ZNF250: variants seen among roughly 807,000 people sequenced by gnomAD.
ZNF250 encodes zinc finger protein (clone 647).
ZNF250 carries 13 observed loss-of-function variants against 37.1 expected under a neutral mutation model. That is an observed-to-expected ratio of 0.35 (90% CI 0.23 to 0.56). The LOEUF (loss-of-function observed/expected upper bound fraction) is 0.56, where lower values mean the gene tolerates loss of function less well. ZNF250 is among the 20% of genes least tolerant of loss of function. The pLI is 0.87. For synonymous variants in ZNF250, 251 were observed against 265.6 expected (o/e 0.94, Z 0.54); for missense variants, 474 against 697.9 (o/e 0.68, Z 3.61).
At chr8:144,888,139 T>C (rs180738714) in intron 4 of ZNF250, among the ~76,000 whole-genome samples, 82 of 152,342 alleles carry the variant, frequency 5.4e-4, no homozygotes, top group African/African-American at 1.9e-3. Context: ...AACATGAACT[T>C]CAGGGTTGGA....
chr8:144,881,759 T>A lies in ZNF250; in HGVS notation c.1424A>T (p.Gln475Leu). The A allele has an allele frequency of 2.5e-6, 4 of 1,614,096 alleles. No individual in the cohort carries two copies. In the South Asian group the frequency reaches 4.4e-5, roughly 18 times the overall value. ...GAAGGCTTTGCCACATTCTGTGCAC[T>A]GGAAGGGCTTTTCACCTGTGTGGAT... ...ERIHTGEKPF[Q>L]CTECGKAFSL... Residue 475 changes from glutamine (Q) to leucine (L), a missense_variant, in exon 6 of 6, where the codon CAG (glutamine) becomes CTG (leucine). Physicochemically the swap from Gln to Leu is moderately radical, Grantham distance 113 (BLOSUM62 -2). This residue lies in a region of ZNF250 where 282 missense variants were observed against 470.4 expected (regional missense o/e 0.60). Coordinates refer to ENST00000417550, the MANE Select transcript of ZNF250 (RefSeq NM_001109689.4).
chr8:144,884,349 T>G (rs1040496773), intron 5 of ZNF250, among the ~76,000 whole-genome samples: 5 of 152,232 alleles, frequency 3.3e-5, no homozygotes, highest in African/African-American at 1.2e-4. Context: ...CCTCCCGGGT[T>G]GAAGTGATTC....
At position 144,882,257 on chromosome 8, in the gene ZNF250, G is replaced by T; in HGVS notation, c.926C>A (p.Pro309Gln). ...ATGGTTGAAGGCTTTCCCACACAACGGACACACATATGGCCTTTCTCCCGT... is the reference window on the plus strand; with the variant it reads ...ATGGTTGAAGGCTTTCCCACACAACTGACACACATATGGCCTTTCTCCCGT... ...IHTGERPYVC[P>Q]LCGKAFNHST... The change falls in exon 6 of 6, where the codon CCG becomes CAG. Residue 309 changes from proline (P) to glutamine (Q), a missense_variant. Physicochemically the swap from Pro to Gln is moderately conservative, Grantham distance 76. Coordinates refer to ENST00000417550, the MANE Select transcript of ZNF250 (RefSeq NM_001109689.4). The surrounding 1 kb of genome is among the most constrained non-coding windows in gnomAD (Gnocchi z 5.5). The T allele has an allele frequency of 6.2e-7, 1 of 1,613,670 alleles. No individual in the cohort carries two copies. The highest frequency in any genetic ancestry group is 8.5e-7 in the Non-Finnish European group (1 of 1,179,866).
At position 144,890,034 on chromosome 8, in the gene ZNF250, G is replaced by A; in HGVS notation, c.68C>T (p.Ala23Val). 2 of 1,613,144 alleles carry A rather than the reference G, an allele frequency of 1.2e-6. No individual in the cohort carries two copies. The highest frequency in any genetic ancestry group is 8.5e-7 in the Non-Finnish European group (1 of 1,179,544). ...PQAKLTFEDV[A>V]VLLSQDEWDR... ...CCATTCATCCTGGGAGAGGAGCACAGCCACATCCTCGAAGGTCAGCTTGGC... is the reference window on the plus strand; with the variant it reads ...CCATTCATCCTGGGAGAGGAGCACAACCACATCCTCGAAGGTCAGCTTGGC... Residue 23 changes from alanine to valine, a missense_variant, in exon 3 of 6, where the codon GCT becomes GTT. Physicochemically the swap from Ala to Val is moderately conservative, Grantham distance 64. This residue lies in a region of ZNF250 where 192 missense variants were observed against 227.5 expected (regional missense o/e 0.84). Coordinates refer to ENST00000417550, the MANE Select transcript of ZNF250 (RefSeq NM_001109689.4). This position sits in a 1 kb window ranked among gnomAD's most constrained non-coding sequence, Gnocchi z 5.1.
intron 5 of ZNF250, among the ~76,000 whole-genome samples, chr8:144,884,709 ATTTT>A (rs1171123922): frequency 6.6e-6 from 1 of 150,496 alleles, no homozygotes; most frequent in Non-Finnish European, 1.5e-5. Context: ...TTTTTTTTTC[ATTTT>A]TTTTACCTCC....
At position 144,882,630 on chromosome 8, in the gene ZNF250, G is replaced by C. The variant is rs1264612008; in HGVS notation, c.553C>G (p.Gln185Glu). ...GGCCTCTCTCCACTAGGCACTGCCT[G>C]GTGCGGAGTGAGTGGCATGCTTTGG... ...LSQSMPLTPH[Q>E]AVPSGERPYM... The change falls in exon 6 of 6, where the codon CAG (glutamine) becomes GAG (glutamate). Residue 185 changes from glutamine to glutamate, a missense_variant. Physicochemically the swap from Gln to Glu is conservative, Grantham distance 29. Around this residue, in one of 2 missense-constraint regions of ZNF250, gnomAD observed 192 missense variants for 227.5 expected, o/e 0.84. Coordinates refer to ENST00000417550, the MANE Select transcript of ZNF250 (RefSeq NM_001109689.4). This position sits in a 1 kb window ranked among gnomAD's most constrained non-coding sequence, Gnocchi z 5.5. 6.2e-7 allele frequency: 1 copy of C among 1,613,828 alleles called. No individual in the cohort carries two copies. Among genetic ancestry groups the C allele is most frequent in the Non-Finnish European group, 8.5e-7 (1 of 1,179,892 alleles).
At position 144,878,827 on chromosome 8, in the gene ZNF250, T is replaced by A. The variant is rs1831276191; in HGVS notation, c.*2688A>T. 6.6e-6 allele frequency: 1 copy of A among 152,214 alleles called. No individual in the cohort carries two copies. The highest frequency in any genetic ancestry group is 1.5e-5 in the Non-Finnish European group (1 of 68,042). 9.4% of individuals were successfully genotyped at this position (152,214 alleles called of 1,614,324 possible). ...AATCTCTAAAGTAATACCTTAGTGA[T>A]CCCATTTCCGTTATTTCAGCTCCTC... On this transcript the variant is annotated 3_prime_UTR_variant, in exon 6 of 6. Coordinates refer to ENST00000417550, the MANE Select transcript of ZNF250 (RefSeq NM_001109689.4).
At chr8:144,884,544 G>A (rs759691144) in intron 5 of ZNF250, among the ~76,000 whole-genome samples, 3 of 152,156 alleles carry the variant, frequency 2.0e-5, no homozygotes, top group Non-Finnish European at 4.4e-5. Context: ...GAGCCACGGC[G>A]CCCGGTCCTG....
rs919797442 is a variant in ZNF250, at chr8:144,882,069, T to C, written c.1114A>G (p.Ser372Gly). 4 of 1,613,870 alleles carry C rather than the reference T, an allele frequency of 2.5e-6. No homozygotes were observed. The highest frequency in any genetic ancestry group is 1.3e-5 in the African/African-American group (1 of 74,890). Residue 372 changes from serine to glycine, a missense_variant, in exon 6 of 6, where the codon AGC becomes GGC. Around this residue, in one of 2 missense-constraint regions of ZNF250, gnomAD observed 282 missense variants for 470.4 expected, o/e 0.60. Transcript: ENST00000417550. The surrounding 1 kb of genome is among the most constrained non-coding windows in gnomAD (Gnocchi z 5.5). Reference protein sequence around the residue: ...YTCSECGKAFSDRSVLIQHHN... With the variant: ...YTCSECGKAFGDRSVLIQHHN... Reference sequence around the variant, plus strand: ...TGCTGAATGAGGACTGAGCGGTCGCTGAAGGCCTTCCCACACTCGCTGCAC... The same window carrying C: ...TGCTGAATGAGGACTGAGCGGTCGCCGAAGGCCTTCCCACACTCGCTGCAC...
chr8:144,895,836 C>A (rs191027538), intron 1 of ZNF250, among the ~76,000 whole-genome samples: 1 of 151,554 alleles, frequency 6.6e-6, no homozygotes, highest in Non-Finnish European at 1.5e-5. Flanking sequence ...AGTGAAACCC[C>A]GTCTCTACTA....
rs1242423001 is a variant in ZNF250, at chr8:144,880,387, T to A, written c.*1128A>T. On this transcript the variant is annotated 3_prime_UTR_variant, in exon 6 of 6. Transcript: ENST00000417550. ...CACTTGGTGTAACAGCTATGAGGTC[T>A]GCTGAGTGTGAAGCTCCCCTCCTTT... 8.8e-6 allele frequency: 4 copies of A among 456,578 alleles called. No homozygotes were observed. Among genetic ancestry groups the A allele is most frequent in the Non-Finnish European group, 1.8e-5 (4 of 226,964 alleles). 28.3% of individuals were successfully genotyped at this position (456,578 alleles called of 1,614,324 possible). A position where few individuals can be genotyped will look rare whatever the true frequency, so the allele number is the denominator to read the frequency against.
At chr8:144,889,264 A>C (rs1216144269) in intron 4 of ZNF250, among the ~76,000 whole-genome samples, 1 of 152,248 alleles carries the variant, frequency 6.6e-6, no homozygotes, top group East Asian at 1.9e-4. Context: ...TCAAAACCTG[A>C]ATGTCCTATT....
At position 144,880,498 on chromosome 8, in the gene ZNF250, T is replaced by C. The variant is rs1054280695; in HGVS notation, c.*1017A>G. 5.7e-5 allele frequency: 26 copies of C among 456,510 alleles called. No homozygotes were observed. The highest frequency in any genetic ancestry group is 3.2e-4 in the Middle Eastern group (1 of 3,100). 28.3% of individuals were successfully genotyped at this position (456,510 alleles called of 1,614,324 possible). The stretch of plus-strand genomic sequence containing the variant: ...GGCAAGTTTTGAGGAAAATACCCAT[T>C]TTTGAGTTGAATTTTTACTAAAAAG... On this transcript the variant is annotated 3_prime_UTR_variant, in exon 6 of 6. Transcript: ENST00000417550.
chr8:144,884,043 C>G (rs1459705280), intron 5 of ZNF250, among the ~76,000 whole-genome samples: 2 of 152,046 alleles, frequency 1.3e-5, no homozygotes, highest in African/African-American at 4.8e-5. Flanking sequence ...GTGCCTGGCT[C>G]TAAACATTAT....
intron 1 of ZNF250, among the ~76,000 whole-genome samples, chr8:144,893,765 A>C (rs1832519195): frequency 6.6e-6 from 1 of 152,146 alleles, no homozygotes; most frequent in African/African-American, 2.4e-5. Context: ...CAGGAAGTAC[A>C]TTCAGGGCCT....
chr8:144,887,767 T>C (rs551619705), intron 4 of ZNF250, among the ~76,000 whole-genome samples: 2 of 152,332 alleles, frequency 1.3e-5, no homozygotes, highest in South Asian at 4.1e-4. Flanking sequence ...AGAAGTTCTA[T>C]GCAAGATTTC....
At chr8:144,893,426 G>A (rs748995112) in intron 1 of ZNF250, among the ~76,000 whole-genome samples, 3 of 152,140 alleles carry the variant, frequency 2.0e-5, no homozygotes, top group Non-Finnish European at 4.4e-5. Context: ...CGTCTCCCAG[G>A]CTCAAGCGAT....
chr8:144,881,724 C>T lies in ZNF250; in HGVS notation c.1459G>A (p.Ala487Thr). The change falls in exon 6 of 6, where the codon GCA (alanine) becomes ACA (threonine). Residue 487 changes from alanine (A) to threonine (T), a missense_variant. By Grantham distance (58) the Ala-to-Thr change is moderately conservative. This residue lies in a region of ZNF250 where 282 missense variants were observed against 470.4 expected (regional missense o/e 0.60). Coordinates refer to ENST00000417550, the MANE Select transcript of ZNF250 (RefSeq NM_001109689.4). ...TECGKAFSLK[A>T]TLIVHLRTHT... is the part of the protein sequence containing the mutation. ...GTCCTCAGGTGCACAATCAGAGTTG[C>T]TTTCAGGCTGAAGGCTTTGCCACAT... is the stretch of plus-strand genomic sequence containing the variant. 6.2e-7 allele frequency: 1 copy of T among 1,613,860 alleles called. No individual in the cohort carries two copies. The highest frequency in any genetic ancestry group is 8.5e-7 in the Non-Finnish European group (1 of 1,179,940).
rs763215535 is a variant in ZNF250 at position 144,882,652 on chromosome 8, T to G, written c.531A>C (p.Gln177His). The G allele has an allele frequency of 6.2e-7, 1 of 1,613,774 alleles. No individual in the cohort carries two copies. The highest frequency in any genetic ancestry group is 8.5e-7 in the Non-Finnish European group (1 of 1,179,868). Residue 177 changes from glutamine (Q) to histidine (H), a missense_variant, in exon 6 of 6, where the codon CAA becomes CAC. By Grantham distance (24) the Gln-to-His change is conservative (BLOSUM62 0). Coordinates refer to ENST00000417550, the MANE Select transcript of ZNF250 (RefSeq NM_001109689.4). The surrounding 1 kb of genome is among the most constrained non-coding windows in gnomAD (Gnocchi z 5.5). ...VDHREVQVLS[Q>H]SMPLTPHQAV... ...CCTGGTGCGGAGTGAGTGGCATGCTTTGGCTTAAGACCTGAACTTCACGGT... is the reference window on the plus strand; with the variant it reads ...CCTGGTGCGGAGTGAGTGGCATGCTGTGGCTTAAGACCTGAACTTCACGGT...
Sources: gnomAD v4.1 joint callset for allele counts (sites outside exome capture counted in the v4.1 genomes callset) on GRCh38, gnomAD v4.1.1 for gene constraint, gnomAD v4.1.1 regional missense constraint, Gnocchi (gnomAD v3.1) non-coding constraint, MANE v1.5 for transcripts, NCBI Gene and HGNC (gene_info 2026-07-23, HGNC 2026-07-21) for gene names.